The following SLCO6A1 variants were observed in gnomAD, a reference collection of about 807,000 sequenced individuals.
The protein encoded by SLCO6A1 is solute carrier organic anion transporter family member 6A1.
In SLCO6A1, 65 loss-of-function variants were observed where a neutral mutation model predicts 72.7. The ratio of observed to expected loss-of-function variants is 0.89; its 90% CI spans 0.73 to 1.10. The LOEUF (loss-of-function observed/expected upper bound fraction) is 1.10. SLCO6A1 is among the 50% of genes least tolerant of loss of function. The pLI, the probability that SLCO6A1 is intolerant of heterozygous loss-of-function variation, is 0.00. For synonymous variants in SLCO6A1, 314 were observed against 298.2 expected, an observed-to-expected ratio of 1.05 and a Z score of -0.55; for missense variants, 874 against 872.6, an observed-to-expected ratio of 1.00 and a Z score of -0.02.
chr5:102,438,213 C>T (rs537554137), intron 7 of SLCO6A1, among the ~76,000 whole-genome samples: 1 of 151,712 alleles, frequency 6.6e-6, no homozygotes, highest in Middle Eastern at 3.4e-3. Flanking sequence ...AGATATAGAT[C>T]AACACAAATC....
At chr5:102,427,100 G>T (rs1222485438) in intron 7 of SLCO6A1, among the ~76,000 whole-genome samples, 1 of 151,312 alleles carries the variant, frequency 6.6e-6, no homozygotes, top group Non-Finnish European at 1.5e-5. Flanking sequence ...TATAAATAAA[G>T]AAGAAAAATA....
intron 7 of SLCO6A1, among the ~76,000 whole-genome samples, chr5:102,431,801 C>T (rs961390123): frequency 1.4e-4 from 21 of 152,104 alleles, no homozygotes; most frequent in African/African-American, 4.6e-4. Context: ...AATTTTCTGC[C>T]TTGACAACCT....
chr5:102,384,131 CTTTAT>C (rs1218344236), intron 12 of SLCO6A1, among the ~76,000 whole-genome samples: 2 of 150,544 alleles, frequency 1.3e-5, no homozygotes, highest in East Asian at 3.9e-4. Flanking sequence ...AAATCCAACT[CTTTAT>C]TTTGTTATTT....
intron 1 of SLCO6A1, among the ~76,000 whole-genome samples, chr5:102,488,148 G>A (rs1752522960): frequency 6.6e-6 from 1 of 151,974 alleles, no homozygotes; most frequent in South Asian, 2.1e-4. Context: ...CAAAGTAAGG[G>A]AAAATTTTAT....
chr5:102,491,430 G>A (rs534362874), intron 1 of SLCO6A1, among the ~76,000 whole-genome samples: 6 of 152,226 alleles, frequency 3.9e-5, no homozygotes, highest in African/African-American at 7.2e-5. Context: ...ACTGGGCACC[G>A]TGGAGCAGGG....
chr5:102,423,000 C>A (rs948241192), intron 7 of SLCO6A1, among the ~76,000 whole-genome samples: 7 of 152,054 alleles, frequency 4.6e-5, no homozygotes, highest in Admixed American at 3.9e-4. Context: ...AATTTTAAAC[C>A]CAGAATTTCA....
chr5:102,463,306 T>C (rs1168832164), intron 4 of SLCO6A1, among the ~76,000 whole-genome samples: 3 of 152,208 alleles, frequency 2.0e-5, no homozygotes, highest in Non-Finnish European at 4.4e-5. Flanking sequence ...AAGGGAATAC[T>C]TTTACACTGC....
chr5:102,415,002 AAACT>A (rs1748204546), intron 8 of SLCO6A1, among the ~76,000 whole-genome samples: 1 of 152,036 alleles, frequency 6.6e-6, no homozygotes. Flanking sequence ...GGAATATATT[AAACT>A]AACAAGGTGA....
At chr5:102,398,125 T>A (rs996480044) in intron 10 of SLCO6A1, among the ~76,000 whole-genome samples, 69 of 152,310 alleles carry the variant, frequency 4.5e-4, no homozygotes, top group African/African-American at 1.6e-3. Context: ...GAAGTCTGGA[T>A]ATAATCATAG....
intron 1 of SLCO6A1, among the ~76,000 whole-genome samples, chr5:102,487,730 T>C (rs1418455468): frequency 6.6e-6 from 1 of 152,198 alleles, no homozygotes; most frequent in Non-Finnish European, 1.5e-5. Flanking sequence ...TTTTAGAGAC[T>C]AGATCCAAGA....
intron 1 of SLCO6A1, among the ~76,000 whole-genome samples, chr5:102,483,344 C>A (rs909628599): frequency 6.6e-6 from 1 of 152,170 alleles, no homozygotes; most frequent in African/African-American, 2.4e-5. Flanking sequence ...CCTTTTTCCT[C>A]TACTTTTCAA....
intron 1 of SLCO6A1, among the ~76,000 whole-genome samples, chr5:102,481,334 T>C (rs1264837480): frequency 1.3e-5 from 2 of 152,182 alleles, no homozygotes; most frequent in Non-Finnish European, 2.9e-5. Context: ...ATGGGCTCTA[T>C]AGTGCTGATA....
At chr5:102,480,711 G>C (rs1211698024) in intron 1 of SLCO6A1, among the ~76,000 whole-genome samples, 1 of 151,950 alleles carries the variant, frequency 6.6e-6, no homozygotes, top group Non-Finnish European at 1.5e-5. Flanking sequence ...ACTTAGTACT[G>C]ATCTTTGTTT....
intron 12 of SLCO6A1, among the ~76,000 whole-genome samples, chr5:102,378,949 T>C (rs553340003): frequency 7.9e-4 from 120 of 152,110 alleles, no homozygotes; most frequent in African/African-American, 2.8e-3. Context: ...CCTAGCTAAT[T>C]TTTGTGTTTT....
chr5:102,459,642 C>A lies in SLCO6A1; in HGVS notation c.1021+14G>T. Reference sequence around the variant, plus strand: ...TACTATCCTCCAATTTAATAAATTACATTTTATAGTCACCTGGCATATTGT... The same window carrying A: ...TACTATCCTCCAATTTAATAAATTAAATTTTATAGTCACCTGGCATATTGT... On this transcript the variant is annotated intron_variant, in intron 5 of 13. Transcript: ENST00000506729. 1 of 1,572,598 alleles carries A rather than the reference C, an allele frequency of 6.4e-7. No individual in the cohort carries two copies. The highest frequency in any genetic ancestry group is 1.2e-5 in the South Asian group (1 of 84,070).
intron 9 of SLCO6A1, among the ~76,000 whole-genome samples, chr5:102,401,867 G>T (rs1747416004): frequency 6.6e-6 from 1 of 152,108 alleles, no homozygotes; most frequent in Non-Finnish European, 1.5e-5. Context: ...ATCCTATATT[G>T]AGGAGGGTAG....
chr5:102,472,963 G>A (rs1182551182), intron 4 of SLCO6A1, among the ~76,000 whole-genome samples: 1 of 151,980 alleles, frequency 6.6e-6, no homozygotes, highest in Non-Finnish European at 1.5e-5. Flanking sequence ...CCTGTAACTA[G>A]TAAGGTGATT....
intron 7 of SLCO6A1, among the ~76,000 whole-genome samples, chr5:102,426,368 C>A (rs1199629614): frequency 6.6e-6 from 1 of 152,032 alleles, no homozygotes; most frequent in Non-Finnish European, 1.5e-5. Flanking sequence ...GAAATCTATC[C>A]ATCTGACAAA....
chr5:102,433,513 G>A (rs543326755), intron 7 of SLCO6A1, among the ~76,000 whole-genome samples: 1 of 152,216 alleles, frequency 6.6e-6, no homozygotes, highest in South Asian at 2.1e-4. Flanking sequence ...TTTGTTTCTG[G>A]AAGATTTTAG....
Sources: gnomAD v4.1 joint callset for allele counts (sites outside exome capture counted in the v4.1 genomes callset) on GRCh38, gnomAD v4.1.1 for gene constraint, MANE v1.5 for transcripts, NCBI Gene and HGNC (gene_info 2026-07-23, HGNC 2026-07-21) for gene names.